The following TRIM23 variants were observed in gnomAD, a reference collection of about 807,000 sequenced individuals.
TRIM23 encodes the protein E3 ubiquitin-protein ligase TRIM23.
A neutral mutation model predicts 71.0 loss-of-function variants in TRIM23; 27 were observed. That is an observed-to-expected ratio of 0.38 (90% CI 0.28 to 0.52). The LOEUF (loss-of-function observed/expected upper bound fraction) is 0.52, where lower values mean the gene tolerates loss of function less well. Among genes scored for constraint, TRIM23 ranks in the 20% least tolerant of loss-of-function variants. The pLI is 0.84. For synonymous variants in TRIM23, 234 were observed against 238.0 expected, an observed-to-expected ratio of 0.98 and a Z score of 0.16; for missense variants, 482 against 692.3, an observed-to-expected ratio of 0.70 and a Z score of 3.41.
chr5:65,611,057 C>T lies in TRIM23; in HGVS notation c.646-14G>A. ...CAATACTGAATGCTATAAAATGTAC[C>T]ATAATTAGAGAAAAGAACTCATAGT... On this transcript the variant is annotated splice_polypyrimidine_tract_variant and intron_variant, in intron 4 of 10. Transcript: ENST00000231524. 6.3e-7 allele frequency: 1 copy of T among 1,591,370 alleles called. No homozygotes were observed. The highest frequency in any genetic ancestry group is 8.5e-7 in the Non-Finnish European group (1 of 1,172,786).
chr5:65,597,503 A>AC, intron 7 of TRIM23, among the ~76,000 whole-genome samples: 1 of 152,332 alleles, frequency 6.6e-6, no homozygotes, highest in African/African-American at 2.4e-5. Context: ...AGGGTAAATC[A>AC]ATTAAAATGA....
intron 4 of TRIM23, 54 bp from the exon 5 acceptor site, chr5:65,611,097 T>C: frequency 6.9e-7 from 1 of 1,446,678 alleles, no homozygotes; most frequent in South Asian, 1.4e-5. Context: ...ACTAATAATA[T>C]AAAAAACTAT....
chr5:65,624,282 G>C lies in TRIM23; in HGVS notation c.-8C>G, dbSNP rs369486881. On this transcript the variant is annotated 5_prime_UTR_variant, in exon 1 of 11. Transcript: ENST00000231524. The stretch of plus-strand genomic sequence containing the variant: ...TACAACCAGGGTAGCCATCCTCGCA[G>C]GGGAAGCGCCACAGAAACAGCCTTC... 6.2e-7 allele frequency: 1 copy of C among 1,613,708 alleles called. No individual in the cohort carries two copies. The highest frequency in any genetic ancestry group is 8.5e-7 in the Non-Finnish European group (1 of 1,180,006).
intron 1 of TRIM23, among the ~76,000 whole-genome samples, chr5:65,621,220 C>T (rs1387030636): frequency 2.0e-5 from 3 of 152,052 alleles, no homozygotes; most frequent in Admixed American, 6.6e-5. Flanking sequence ...GGCGCGGTGG[C>T]GGGCACCTGT....
rs1241132547 is a variant in TRIM23, at chr5:65,618,793, C to CA, written c.82-539dup. Among the ~76,000 whole-genome samples the CA allele has an allele frequency of 2.0e-5, 3 of 151,936 alleles. No homozygotes were observed. In the East Asian group the frequency reaches 5.8e-4, roughly 29 times the overall value. On this transcript the variant is annotated intron_variant, in intron 1 of 10. Coordinates refer to ENST00000231524, the MANE Select transcript of TRIM23 (RefSeq NM_001656.4). ...TAATGTACATTAAATAATACAAAGGCAAAAAAAGCAATCATCTTAAATTTC... is the reference window on the plus strand; with the variant it reads ...TAATGTACATTAAATAATACAAAGGCAAAAAAAAGCAATCATCTTAAATTTC...
intron 1 of TRIM23, among the ~76,000 whole-genome samples, chr5:65,619,628 C>A (rs114464158): frequency 6.6e-6 from 1 of 152,098 alleles, no homozygotes; most frequent in Non-Finnish European, 1.5e-5. Context: ...TGCTTTGCAT[C>A]TTATCATGGT....
intron 3 of TRIM23, 74 bp from the exon 4 acceptor site, chr5:65,611,955 C>A: frequency 2.1e-6 from 3 of 1,405,618 alleles, no homozygotes; most frequent in Non-Finnish European, 2.9e-6. Flanking sequence ...AATATAGAAT[C>A]CATAATCCTT....
At position 65,611,888 on chromosome 5, in the gene TRIM23, A is replaced by C. The variant is rs1465152300; in HGVS notation, c.367-7T>G. 1 of 1,604,610 alleles carries C rather than the reference A, an allele frequency of 6.2e-7. No homozygotes were observed. The highest frequency in any genetic ancestry group is 2.2e-5 in the East Asian group (1 of 44,668). ...CATCACAACGAATGATGCTCTGATA[A>C]ACAAAAAATTAATGCCTTAAAATTG... On this transcript the variant is annotated splice_region_variant and splice_polypyrimidine_tract_variant and intron_variant, in intron 3 of 10. Transcript: ENST00000231524.
rs1225333029 is a variant in TRIM23, at chr5:65,605,108, T to C, written c.1045-63A>G. On this transcript the variant is annotated intron_variant, in intron 6 of 10. Transcript: ENST00000231524. Reference sequence around the variant, plus strand: ...ATAAGAAATAAGGAAAAGAGACTTATATTACCAACTCACAATAAAAGCAGT... The same window carrying C: ...ATAAGAAATAAGGAAAAGAGACTTACATTACCAACTCACAATAAAAGCAGT... The C allele has an allele frequency of 6.3e-6, 9 of 1,429,818 alleles. No homozygotes were observed. The Admixed American group carries it at 1.2e-4, about 18-fold the overall frequency. 88.6% of individuals were successfully genotyped at this position (1,429,818 alleles called of 1,614,324 possible).
chr5:65,600,882 A>G (rs891513935), intron 7 of TRIM23, among the ~76,000 whole-genome samples: 4 of 152,230 alleles, frequency 2.6e-5, no homozygotes, highest in African/African-American at 4.8e-5. Context: ...GCCAACAATT[A>G]TATGAAAAGA....
chr5:65,610,960 T>C lies in TRIM23; in HGVS notation c.729A>G (p.Glu243=). The change falls in exon 5 of 11, where the codon GAA becomes GAG. Residue 243 remains glutamate, a synonymous_variant. Coordinates refer to ENST00000231524, the MANE Select transcript of TRIM23 (RefSeq NM_001656.4). Reference sequence around the variant, plus strand: ...CTAATTTTCTGGAATAATCTGAGATTTCCTCTGTGAAGGTCCGTATGCAGT... The same window carrying C: ...CTAATTTTCTGGAATAATCTGAGATCTCCTCTGTGAAGGTCCGTATGCAGT... ...MAHCIRTFTE[E]ISDYSRKLVG... 2 of 1,613,946 alleles carry C rather than the reference T, an allele frequency of 1.2e-6. No individual in the cohort carries two copies. The highest frequency in any genetic ancestry group is 2.2e-5 in the East Asian group (1 of 44,856).
Position 65,599,295 on chromosome 5 carries a change from C to T in TRIM23, c.1180-2115G>A, listed in dbSNP as rs184782534. ...AAATCCCAAAAGGAAATTAAGGAAA[C>T]AATTCTACTTAAAATAGCATCAAAA... On this transcript the variant is annotated intron_variant, in intron 7 of 10. Transcript: ENST00000231524. Among the ~76,000 whole-genome samples the T allele has an allele frequency of 4.4e-3, 667 of 152,104 alleles. 5 individuals carry two copies. The highest frequency in any genetic ancestry group is 0.016 in the African/African-American group (644 of 41,508).
chr5:65,602,205 C>G (rs1754381222), intron 7 of TRIM23, among the ~76,000 whole-genome samples: 1 of 152,152 alleles, frequency 6.6e-6, no homozygotes, highest in Admixed American at 6.5e-5. Flanking sequence ...TAACAGAACC[C>G]AAGTCACCTC....
intron 2 of TRIM23, among the ~76,000 whole-genome samples, chr5:65,616,557 G>A (rs906969538): frequency 6.8e-6 from 1 of 148,100 alleles, no homozygotes; most frequent in African/African-American, 2.5e-5. Context: ...CAGGAGAATC[G>A]CTTGAACCCC....
At chr5:65,606,201 T>C (rs1402894230) in intron 6 of TRIM23, among the ~76,000 whole-genome samples, 2 of 152,142 alleles carry the variant, frequency 1.3e-5, no homozygotes, top group Non-Finnish European at 2.9e-5. Flanking sequence ...CCCAGCACTT[T>C]GGGAGGCCAA....
intron 2 of TRIM23, among the ~76,000 whole-genome samples, chr5:65,616,723 TTTTG>T (rs1581190635): frequency 2.0e-5 from 3 of 152,164 alleles, no homozygotes; most frequent in South Asian, 2.1e-4. Context: ...AGCATAGTTT[TTTTG>T]TTTGTTTGTC....
At chr5:65,609,506 T>G in intron 5 of TRIM23, 48 bp from the exon 6 acceptor site, 1 of 1,540,014 alleles carries the variant, frequency 6.5e-7, no homozygotes. Context: ...TTAATAAAGA[T>G]TTTACCTGTG....
intron 5 of TRIM23, among the ~76,000 whole-genome samples, chr5:65,610,376 T>C (rs1754619453): frequency 6.6e-6 from 1 of 152,238 alleles, no homozygotes; most frequent in Non-Finnish European, 1.5e-5. Context: ...TCCTGCATGA[T>C]TTGGCTTTGA....
chr5:65,593,286 T>TTA (rs934013475), intron 10 of TRIM23, among the ~76,000 whole-genome samples: 1 of 152,046 alleles, frequency 6.6e-6, no homozygotes, highest in Non-Finnish European at 1.5e-5. Flanking sequence ...AATACAAAAG[T>TTA]TAGCCGGGTG....
Sources: gnomAD v4.1 joint callset for allele counts (sites outside exome capture counted in the v4.1 genomes callset) on GRCh38, gnomAD v4.1.1 for gene constraint, MANE v1.5 for transcripts, NCBI Gene and HGNC (gene_info 2026-07-23, HGNC 2026-07-21) for gene names.